Variants in STX8 observed in about 807,000 individuals in gnomAD.
The protein encoded by STX8 is syntaxin 8.
In STX8, 23 loss-of-function variants were observed where a neutral mutation model predicts 37.5. The observed-to-expected ratio is 0.61, with a 90% CI of 0.44 to 0.87. STX8 has a LOEUF of 0.87. STX8 is among the 40% of genes least tolerant of loss of function. The pLI is 0.00. For missense variants in STX8, 313 were observed against 284.7 expected (o/e 1.10, Z -0.71); for synonymous variants, 115 against 99.1 (o/e 1.16, Z -0.95).
chr17:9,533,601 T>C (rs762050424), intron 4 of STX8, among the ~76,000 whole-genome samples: 32 of 152,170 alleles, frequency 2.1e-4, no homozygotes, highest in Non-Finnish European at 4.1e-4. Flanking sequence ...TGACTAAGGT[T>C]CACTTGAGCC....
intron 6 of STX8, among the ~76,000 whole-genome samples, chr17:9,442,661 A>G (rs1597675236): frequency 6.6e-6 from 1 of 151,664 alleles, no homozygotes; most frequent in Non-Finnish European, 1.5e-5. Flanking sequence ...GCCCAACTCG[A>G]CCTCCCAAAG....
chr17:9,336,571 G>A (rs1360937568), intron 7 of STX8, among the ~76,000 whole-genome samples: 7 of 151,988 alleles, frequency 4.6e-5, no homozygotes, highest in African/African-American at 1.7e-4. Context: ...GAGTTGCTGG[G>A]ACTGCAGGCG....
chr17:9,292,915 C>T (rs1306595219), intron 7 of STX8, among the ~76,000 whole-genome samples: 1 of 152,188 alleles, frequency 6.6e-6, no homozygotes, highest in African/African-American at 2.4e-5. Flanking sequence ...CAAGGCCTTA[C>T]ACCCAACCAG....
intron 7 of STX8, among the ~76,000 whole-genome samples, chr17:9,347,644 G>C (rs974562549): frequency 2.0e-5 from 3 of 152,180 alleles, no homozygotes; most frequent in Admixed American, 2.0e-4. Context: ...AGCCTCCCAA[G>C]TAGCTGGGAT....
intron 6 of STX8, among the ~76,000 whole-genome samples, chr17:9,420,781 G>A (rs1913395578): frequency 6.6e-6 from 1 of 152,184 alleles, no homozygotes. Flanking sequence ...AAATTCCAAT[G>A]GCTTATTTTC....
At chr17:9,347,579 G>A (rs78079328) in intron 7 of STX8, among the ~76,000 whole-genome samples, 4,787 of 152,094 alleles carry the variant, frequency 0.031, 152 homozygotes, top group African/African-American at 0.083. Flanking sequence ...GCAGTGGCAC[G>A]ACGTCAGCTC....
intron 6 of STX8, among the ~76,000 whole-genome samples, chr17:9,471,010 G>A (rs142219261): frequency 0.026 from 3,131 of 122,738 alleles, 108 homozygotes; most frequent in African/African-American, 0.085. Context: ...TGGGATTACA[G>A]GCGTGAGCCA....
chr17:9,334,172 T>A (rs1910066008), intron 7 of STX8, among the ~76,000 whole-genome samples: 1 of 151,708 alleles, frequency 6.6e-6, no homozygotes, highest in Non-Finnish European at 1.5e-5. Context: ...AGTCACAAGA[T>A]CAGATGGGCT....
chr17:9,535,647 T>C (rs1305370776), intron 4 of STX8, among the ~76,000 whole-genome samples: 1 of 151,968 alleles, frequency 6.6e-6, no homozygotes, highest in African/African-American at 2.4e-5. Context: ...TTAGCCAGGA[T>C]GGTCTCAATC....
chr17:9,432,296 C>T (rs914731450), intron 6 of STX8, among the ~76,000 whole-genome samples: 5 of 152,144 alleles, frequency 3.3e-5, no homozygotes, highest in South Asian at 2.1e-4. Context: ...TCCTCACATA[C>T]GGCCAGAGCT....
intron 2 of STX8, among the ~76,000 whole-genome samples, chr17:9,563,152 C>CATTCATTTATTTATTT (rs1555537848): frequency 3.5e-5 from 5 of 142,082 alleles, no homozygotes; most frequent in South Asian, 4.6e-4. Context: ...TTCATTCATC[C>CATTCATTTATTTATTT]ATTTATTTAT....
At chr17:9,522,581 G>A (rs910240651) in intron 4 of STX8, among the ~76,000 whole-genome samples, 6 of 151,794 alleles carry the variant, frequency 4.0e-5, no homozygotes, top group East Asian at 1.9e-4. Context: ...GGCATGTGGC[G>A]GGTGCCTGTA....
At chr17:9,418,909 C>CT (rs1913313691) in intron 6 of STX8, among the ~76,000 whole-genome samples, 1 of 147,550 alleles carries the variant, frequency 6.8e-6, no homozygotes, top group Non-Finnish European at 1.5e-5. Context: ...CACACCCCCC[C>CT]CTCTTTTTTT....
At chr17:9,539,313 AAG>A (rs1906183091) in intron 4 of STX8, among the ~76,000 whole-genome samples, 1 of 149,732 alleles carries the variant, frequency 6.7e-6, no homozygotes, top group South Asian at 2.1e-4. Flanking sequence ...ATGGGGAAGA[AAG>A]AGAGGAAAAG....
chr17:9,316,550 C>T (rs1303749219), intron 7 of STX8, among the ~76,000 whole-genome samples: 2 of 152,156 alleles, frequency 1.3e-5, no homozygotes, highest in Non-Finnish European at 2.9e-5. Flanking sequence ...GACCATGTGG[C>T]GGTACTGCGA....
At position 9,370,452 on chromosome 17, in the gene STX8, C is replaced by T. The variant is rs190410828; in HGVS notation, c.643+8100G>A. ...ATCCCAAATTGTGCCCCAGGACTGT[C>T]GGACGCCACACCTGTGCTGCATGCT... On this transcript the variant is annotated intron_variant, in intron 7 of 7. Transcript: ENST00000306357. Among the ~76,000 whole-genome samples, 78 of 152,208 alleles carry T rather than the reference C, an allele frequency of 5.1e-4. No homozygotes were observed. The East Asian group carries it at 6.8e-3, about 13-fold the overall frequency.
intron 7 of STX8, among the ~76,000 whole-genome samples, chr17:9,339,547 G>A (rs757308334): frequency 1.3e-4 from 20 of 152,190 alleles, no homozygotes; most frequent in Non-Finnish European, 2.1e-4. Flanking sequence ...CCAGCTACTT[G>A]GGAGGCTGAG....
At chr17:9,553,374 G>C (rs933021182) in intron 3 of STX8, 1 of 152,200 alleles carries the variant, frequency 6.6e-6, no homozygotes, top group Non-Finnish European at 1.5e-5. Flanking sequence ...TTTTTCAGGA[G>C]AGAGCATAAC....
intron 4 of STX8, among the ~76,000 whole-genome samples, chr17:9,536,395 C>G (rs1299822871): frequency 6.6e-6 from 1 of 152,166 alleles, no homozygotes; most frequent in Non-Finnish European, 1.5e-5. Flanking sequence ...CCTCTCACTT[C>G]TCTAACTTGC....
Sources: allele counts gnomAD v4.1 joint callset (sites outside exome capture counted in the v4.1 genomes callset), GRCh38; gene constraint gnomAD v4.1.1; transcripts MANE v1.5; gene names NCBI Gene and HGNC (gene_info 2026-07-23, HGNC 2026-07-21).